RFX3: variants seen among roughly 807,000 people sequenced by gnomAD.
RFX3 encodes the protein regulatory factor X3.
A neutral mutation model predicts 98.6 loss-of-function variants in RFX3; 14 were observed. That is an observed-to-expected ratio of 0.14 (90% confidence interval 0.09 to 0.22). RFX3 has a LOEUF of 0.22. Ranked by LOEUF, RFX3 falls within the 10% of genes least tolerant of loss-of-function variation. The pLI, the probability that RFX3 is intolerant of heterozygous loss-of-function variation, is 1.00. For missense variants in RFX3, 639 were observed against 926.9 expected, an observed-to-expected ratio of 0.69 and a Z score of 4.03; for synonymous variants, 383 against 328.4, an observed-to-expected ratio of 1.17 and a Z score of -1.80.
intron 13 of RFX3, among the ~76,000 whole-genome samples, chr9:3,260,955 A>G (rs950639373): frequency 2.6e-5 from 4 of 151,232 alleles, no homozygotes; most frequent in Admixed American, 2.6e-4. Context: ...CCAGTCCATG[A>G]AAGTCTCAAT....
chr9:3,427,653 C>T (rs897879980), intron 1 of RFX3, among the ~76,000 whole-genome samples: 1 of 151,650 alleles, frequency 6.6e-6, no homozygotes, highest in Non-Finnish European at 1.5e-5. Context: ...TTGAGAAAAT[C>T]CCAAGGTGTT....
In RFX3 at chr9:3,308,618, G is replaced by T. The variant is rs577604126; in HGVS notation, c.475-6998C>A. Among the ~76,000 whole-genome samples the T allele has an allele frequency of 7.2e-5, 11 of 152,240 alleles. No individual in the cohort carries two copies. The East Asian group carries it at 2.1e-3, about 29-fold the overall frequency. On this transcript the variant is annotated intron_variant, in intron 4 of 16. Transcript: ENST00000617270. ...AGCAGGAACATGAAAAGATCTCTTT[G>T]CAAGATGTCATACGACAAAGTGCTA...
chr9:3,368,502 T>C (rs1200132331), intron 2 of RFX3, among the ~76,000 whole-genome samples: 1 of 152,134 alleles, frequency 6.6e-6, no homozygotes, highest in East Asian at 1.9e-4. Context: ...TTAAAAAATA[T>C]AGAGAAAAGT....
chr9:3,316,285 T>C (rs1045663676), intron 4 of RFX3, among the ~76,000 whole-genome samples: 4 of 152,176 alleles, frequency 2.6e-5, no homozygotes, highest in Non-Finnish European at 5.9e-5. Flanking sequence ...CATATGATTA[T>C]CTCAATAGAT....
chr9:3,404,699 T>C (rs993938680), intron 1 of RFX3, among the ~76,000 whole-genome samples: 1 of 152,174 alleles, frequency 6.6e-6, no homozygotes. Context: ...ATAGTTGTCA[T>C]TATATAATAT....
chr9:3,474,958 G>A (rs1849099402), intron 1 of RFX3, among the ~76,000 whole-genome samples: 1 of 152,020 alleles, frequency 6.6e-6, no homozygotes, highest in African/African-American at 2.4e-5. Flanking sequence ...AATTAGCTGG[G>A]TGTGGTGACA....
At position 3,224,400 on chromosome 9, in the gene RFX3, T is replaced by G. The variant is rs898125968; in HGVS notation, c.*642A>C. 6.6e-6 allele frequency: 1 copy of G among 152,258 alleles called. No individual in the cohort carries two copies. Among genetic ancestry groups the G allele is most frequent in the Non-Finnish European group, 1.5e-5 (1 of 68,074 alleles). 9.4% of individuals were successfully genotyped at this position (152,258 alleles called of 1,614,324 possible). A position where few individuals can be genotyped will look rare whatever the true frequency, so the allele number is the denominator to read the frequency against. On this transcript the variant is annotated 3_prime_UTR_variant, in exon 17 of 17. Coordinates refer to ENST00000617270, the MANE Select transcript of RFX3 (RefSeq NM_001282116.2). ...TTATGTACATATTAGCATAATCTCT[T>G]GCAATTCTGTCATTTACTCTGAACT...
intron 4 of RFX3, among the ~76,000 whole-genome samples, chr9:3,311,674 T>G (rs201073353): frequency 6.6e-6 from 1 of 151,984 alleles, no homozygotes; most frequent in Non-Finnish European, 1.5e-5. Context: ...CACCTGAGGT[T>G]AGGAGTTCAA....
intron 8 of RFX3, 92 bp downstream of exon 8, chr9:3,277,248 T>G: frequency 7.4e-7 from 1 of 1,350,726 alleles, no homozygotes. Context: ...TCTTTCTATG[T>G]CATTGACATC....
Position 3,257,112 on chromosome 9 carries a change from T to A in RFX3, c.1693A>T (p.Thr565Ser). 1.2e-6 allele frequency: 2 copies of A among 1,613,984 alleles called. No individual in the cohort carries two copies. The highest frequency in any genetic ancestry group is 2.2e-5 in the East Asian group (1 of 44,854). Residue 565 changes from threonine to serine, a missense_variant, in exon 14 of 17, where the codon ACC becomes TCC. Around this residue, in one of 9 missense-constraint regions of RFX3, gnomAD observed 138 missense variants for 308.9 expected, o/e 0.45. Transcript: ENST00000617270. The part of the protein sequence containing the change: ...DFKMTLQQQS[T>S]LEQWAAWLDN... The stretch of plus-strand genomic sequence containing the variant: ...AGCCACGCAGCCCACTGCTCCAGGG[T>A]GCTCTGCTGCTGAAGAGTCATCTTG...
At chr9:3,227,797 A>G (rs1413164478) in intron 16 of RFX3, among the ~76,000 whole-genome samples, 1 of 152,190 alleles carries the variant, frequency 6.6e-6, no homozygotes, top group African/African-American at 2.4e-5. Flanking sequence ...AATCCTATAG[A>G]GTATATATTT....
intron 1 of RFX3, among the ~76,000 whole-genome samples, chr9:3,522,584 TG>T (rs1818830764): frequency 6.6e-6 from 1 of 150,956 alleles, no homozygotes; most frequent in South Asian, 2.1e-4. Flanking sequence ...TGTGTGTGTG[TG>T]TGTAACTTTT....
At chr9:3,464,191 G>T (rs989709030) in intron 1 of RFX3, among the ~76,000 whole-genome samples, 6 of 152,118 alleles carry the variant, frequency 3.9e-5, no homozygotes, top group African/African-American at 1.4e-4. Flanking sequence ...AATGCAAAAT[G>T]GTACAGCCAC....
intron 4 of RFX3, among the ~76,000 whole-genome samples, chr9:3,314,452 A>G (rs1830339994): frequency 6.6e-6 from 1 of 152,218 alleles, no homozygotes; most frequent in African/African-American, 2.4e-5. Flanking sequence ...TGCTAGGAAG[A>G]AACTGCATCA....
intron 2 of RFX3, among the ~76,000 whole-genome samples, chr9:3,356,446 C>T (rs2131319116): frequency 6.6e-6 from 1 of 151,814 alleles, no homozygotes; most frequent in South Asian, 2.1e-4. Flanking sequence ...CCAAAACTGG[C>T]CCCAAAACAC....
rs767706916 is a variant in RFX3 at position 3,360,208 on chromosome 9, C to G, written c.118-13444G>C. 1.9e-4 allele frequency among the ~76,000 whole-genome samples: 29 copies of G among 151,780 alleles called. 1 individual carries two copies. The Middle Eastern group carries it at 0.014, about 71-fold the overall frequency. ...ATCATCTCAATTTCATTGCCTTTCC[C>G]AAAATAAATTCCCAGAAATATTTCC... On this transcript the variant is annotated intron_variant, in intron 2 of 16. Coordinates refer to ENST00000617270, the MANE Select transcript of RFX3 (RefSeq NM_001282116.2).
chr9:3,340,618 G>A (rs957257277), intron 3 of RFX3, among the ~76,000 whole-genome samples: 3 of 152,166 alleles, frequency 2.0e-5, no homozygotes, highest in African/African-American at 7.2e-5. Flanking sequence ...CTTCTCGAAA[G>A]AAGACATTTA....
intron 3 of RFX3, among the ~76,000 whole-genome samples, chr9:3,337,703 C>A (rs1483653279): frequency 1.3e-5 from 2 of 152,182 alleles, no homozygotes; most frequent in African/African-American, 4.8e-5. Context: ...CTGGCTGCTG[C>A]CTGACATCAC....
chr9:3,507,919 G>C (rs1382806583), intron 1 of RFX3, among the ~76,000 whole-genome samples: 1 of 151,820 alleles, frequency 6.6e-6, no homozygotes, highest in Admixed American at 6.6e-5. Context: ...ACAGAGAAAA[G>C]TGGTGAAATA....
Sources: allele counts gnomAD v4.1 joint callset (sites outside exome capture counted in the v4.1 genomes callset), GRCh38; gene constraint gnomAD v4.1.1; regional missense constraint gnomAD v4.1.1; transcripts MANE v1.5; gene names NCBI Gene and HGNC (gene_info 2026-07-23, HGNC 2026-07-21).